Variants in SLC2A12 observed in about 807,000 individuals in gnomAD.
SLC2A12 encodes the protein solute carrier family 2 member 12.
A neutral mutation model predicts 41.8 loss-of-function variants in SLC2A12; 23 were observed. That is an observed-to-expected ratio of 0.55 (90% CI 0.40 to 0.78). The LOEUF (loss-of-function observed/expected upper bound fraction) is 0.78. Among genes scored for constraint, SLC2A12 ranks in the 30% least tolerant of loss-of-function variants. The probability of loss-of-function intolerance (pLI) is 0.00; values close to 1 mark genes in which losing one functional copy is unlikely to be tolerated. For missense variants in SLC2A12, 654 were observed against 745.6 expected (o/e 0.88, Z 1.43); for synonymous variants, 295 against 285.9 (o/e 1.03, Z -0.32).
rs748629980 is a variant in SLC2A12 at position 133,991,199 on chromosome 6, G to C, written c.1810C>G (p.Leu604Val). ...TGCCTGGATTGGCCCCTACCACACAGCTTGTTACACTCCAAGAGCTGCTCC... is the reference window on the plus strand; with the variant it reads ...TGCCTGGATTGGCCCCTACCACACACCTTGTTACACTCCAAGAGCTGCTCC... ...PQEQLLECNK[L>V]CGRGQSRQLS... The change falls in exon 5 of 5, where the codon CTG becomes GTG. Residue 604 changes from leucine to valine, a missense_variant. By Grantham distance (32) the Leu-to-Val change is conservative. This residue lies in a region of SLC2A12 where 134 missense variants were observed against 180.5 expected (regional missense o/e 0.74). Transcript: ENST00000275230. 5.6e-5 allele frequency: 90 copies of C among 1,613,974 alleles called. No homozygotes were observed. The highest frequency in any genetic ancestry group is 6.7e-5 in the Admixed American group (4 of 59,986).
At chr6:134,020,024 CAAA>C (rs550748968) in intron 2 of SLC2A12, among the ~76,000 whole-genome samples, 4 of 80,030 alleles carry the variant, frequency 5.0e-5, no homozygotes, top group African/African-American at 5.7e-5. Context: ...GATTCCATCT[CAAA>C]AAAAAAAAAA....
chr6:134,023,120 G>A (rs1777067528), intron 2 of SLC2A12, among the ~76,000 whole-genome samples: 1 of 152,108 alleles, frequency 6.6e-6, no homozygotes, highest in African/African-American at 2.4e-5. Context: ...TCACAGGTTT[G>A]CAACACCCCC....
chr6:133,998,402 T>A (rs1776719726), intron 4 of SLC2A12, among the ~76,000 whole-genome samples: 1 of 152,248 alleles, frequency 6.6e-6, no homozygotes, highest in African/African-American at 2.4e-5. Flanking sequence ...GCTTTCAAGT[T>A]TGACTTTTTT....
At chr6:134,052,250 T>TAC (rs55702666) in intron 1 of SLC2A12, 128 bp downstream of exon 1, 37,113 of 369,168 alleles carry the variant, frequency 0.1, 986 homozygotes, top group Non-Finnish European at 0.11. Flanking sequence ...CGCGCGCGCA[T>TAC]ACACACACAC....
Position 134,029,853 on chromosome 6 carries a change from A to T in SLC2A12, c.104-132T>A, listed in dbSNP as rs933459208. On this transcript the variant is annotated intron_variant, in intron 1 of 4. Coordinates refer to ENST00000275230, the MANE Select transcript of SLC2A12 (RefSeq NM_145176.3). ...TTTAAACGAACACACAATTATGATA[A>T]AATAATACACTAACCAAAAAATGAT... 4 of 1,154,032 alleles carry T rather than the reference A, an allele frequency of 3.5e-6. No individual in the cohort carries two copies. The African/African-American group carries it at 6.2e-5, about 18-fold the overall frequency. The allele number at this position is 1,154,032 out of a possible 1,614,324, so 71.5% of individuals were successfully genotyped here. A position where few individuals can be genotyped will look rare whatever the true frequency, so the allele number is the denominator to read the frequency against.
At chr6:134,003,263 T>C (rs577296318) in intron 3 of SLC2A12, among the ~76,000 whole-genome samples, 4 of 152,332 alleles carry the variant, frequency 2.6e-5, no homozygotes, top group African/African-American at 9.6e-5. Flanking sequence ...CTCCTGTCTC[T>C]CTCTGCTTTT....
chr6:134,045,613 T>G (rs1022720490), intron 1 of SLC2A12, among the ~76,000 whole-genome samples: 1 of 152,238 alleles, frequency 6.6e-6, no homozygotes, highest in Non-Finnish European at 1.5e-5. Flanking sequence ...CCCTGGTACC[T>G]GGTAGTAAAT....
intron 4 of SLC2A12, among the ~76,000 whole-genome samples, chr6:134,000,004 C>T (rs939814317): frequency 1.3e-5 from 2 of 152,076 alleles, no homozygotes; most frequent in African/African-American, 4.8e-5. Context: ...TTATTTAAAT[C>T]GTGTTTGTAA....
At chr6:134,043,277 G>A (rs1412335608) in intron 1 of SLC2A12, among the ~76,000 whole-genome samples, 1 of 152,142 alleles carries the variant, frequency 6.6e-6, no homozygotes, top group Non-Finnish European at 1.5e-5. Context: ...GTGCAGGAGG[G>A]TGATCAGAAC....
chr6:133,995,108 A>G (rs2114416467), intron 4 of SLC2A12, among the ~76,000 whole-genome samples: 1 of 152,370 alleles, frequency 6.6e-6, no homozygotes, highest in South Asian at 2.1e-4. Flanking sequence ...AAGTGATGAC[A>G]GCGAATATAG....
At chr6:134,027,305 G>A (rs1777127110) in intron 2 of SLC2A12, among the ~76,000 whole-genome samples, 1 of 152,148 alleles carries the variant, frequency 6.6e-6, no homozygotes, top group Non-Finnish European at 1.5e-5. Context: ...CCAGTACCTA[G>A]AACCAGAGCC....
intron 3 of SLC2A12, among the ~76,000 whole-genome samples, chr6:134,003,922 C>A (rs540024613): frequency 6.6e-6 from 1 of 152,168 alleles, no homozygotes; most frequent in Non-Finnish European, 1.5e-5. Context: ...TAGAACCTCA[C>A]GTCTTTTAGA....
At chr6:134,032,464 ATT>A (rs1359249875) in intron 1 of SLC2A12, among the ~76,000 whole-genome samples, 5 of 34,732 alleles carry the variant, frequency 1.4e-4, no homozygotes, top group Non-Finnish European at 2.3e-4. Flanking sequence ...ATATATATAT[ATT>A]TTTATATATA....
At chr6:134,017,835 G>A (rs1776983732) in intron 2 of SLC2A12, among the ~76,000 whole-genome samples, 2 of 151,600 alleles carry the variant, frequency 1.3e-5, no homozygotes, top group South Asian at 4.2e-4. Context: ...TCCAGCCTGG[G>A]CGACAGAGCG....
chr6:134,041,405 G>A (rs1777379480), intron 1 of SLC2A12, among the ~76,000 whole-genome samples: 1 of 152,012 alleles, frequency 6.6e-6, no homozygotes, highest in African/African-American at 2.4e-5. Flanking sequence ...ATTGCTTGTG[G>A]CCAGAAGTTC....
intron 4 of SLC2A12, among the ~76,000 whole-genome samples, chr6:133,998,211 T>A (rs1009656024): frequency 1.3e-5 from 2 of 152,220 alleles, no homozygotes; most frequent in Non-Finnish European, 2.9e-5. Context: ...TCTGTTGGGT[T>A]TTAGATACCC....
chr6:134,044,662 C>T (rs181737397), intron 1 of SLC2A12, among the ~76,000 whole-genome samples: 11 of 142,514 alleles, frequency 7.7e-5, no homozygotes, highest in Non-Finnish European at 1.5e-4. Flanking sequence ...TGCAGTGAGC[C>T]GAGATAGCGC....
intron 2 of SLC2A12, among the ~76,000 whole-genome samples, chr6:134,023,217 G>C (rs1363345037): frequency 6.6e-6 from 1 of 152,176 alleles, no homozygotes; most frequent in Non-Finnish European, 1.5e-5. Flanking sequence ...GGTGTGAGAA[G>C]GGCCTGGAAT....
rs1326694078 is a variant in SLC2A12, at chr6:133,988,851, T to C, written c.*2304A>G. 2.0e-5 allele frequency: 3 copies of C among 152,188 alleles called. No individual in the cohort carries two copies. Among genetic ancestry groups the C allele is most frequent in the Admixed American group, 1.3e-4 (2 of 15,264 alleles). 9.4% of individuals were successfully genotyped at this position (152,188 alleles called of 1,614,324 possible). ...TGTTTTAAAGACTTGACATTTTTCATTTAGTTTTAATTAACAGTAATAAGT... is the reference window on the plus strand; with the variant it reads ...TGTTTTAAAGACTTGACATTTTTCACTTAGTTTTAATTAACAGTAATAAGT... On this transcript the variant is annotated 3_prime_UTR_variant, in exon 5 of 5. Transcript: ENST00000275230.
Sources: allele counts gnomAD v4.1 joint callset (sites outside exome capture counted in the v4.1 genomes callset), GRCh38; gene constraint gnomAD v4.1.1; regional missense constraint gnomAD v4.1.1; transcripts MANE v1.5; gene names NCBI Gene and HGNC (gene_info 2026-07-23, HGNC 2026-07-21).